TDRD7: variants seen among roughly 807,000 people sequenced by gnomAD.
The protein encoded by TDRD7 is tudor domain-containing protein 7.
Under a neutral mutation model 109.8 loss-of-function variants are expected in TDRD7, and 47 were observed. The ratio of observed to expected loss-of-function variants is 0.43; its 90% CI spans 0.34 to 0.55. The LOEUF (loss-of-function observed/expected upper bound fraction) is 0.55. Among genes scored for constraint, TDRD7 ranks in the 20% least tolerant of loss-of-function variants. The probability of loss-of-function intolerance (pLI) is 0.03; values close to 1 mark genes in which losing one functional copy is unlikely to be tolerated. For missense variants in TDRD7, 1,164 were observed against 1,319.2 expected, an observed-to-expected ratio of 0.88 and a Z score of 1.82; for synonymous variants, 424 against 457.3, an observed-to-expected ratio of 0.93 and a Z score of 0.93.
chr9:97,441,553 A>C (rs985975427), intron 5 of TDRD7, 105 bp from the exon 6 acceptor site: 1 of 1,038,818 alleles, frequency 9.6e-7, no homozygotes, highest in Non-Finnish European at 1.4e-6. Context: ...TTTGGCTACC[A>C]CAAGCCCACA....
intron 8 of TDRD7, among the ~76,000 whole-genome samples, chr9:97,468,088 A>C (rs1828847931): frequency 6.6e-6 from 1 of 152,266 alleles, no homozygotes; most frequent in African/African-American, 2.4e-5. Context: ...AATAGCTATC[A>C]GATGTCACAT....
intron 1 of TDRD7, among the ~76,000 whole-genome samples, chr9:97,413,589 G>A (rs1315101190): frequency 6.6e-6 from 1 of 152,208 alleles, no homozygotes; most frequent in Non-Finnish European, 1.5e-5. Context: ...ATATAAATGG[G>A]CACATGGTGG....
chr9:97,472,203 T>A, intron 9 of TDRD7, 90 bp from the exon 10 acceptor site: 1 of 1,211,606 alleles, frequency 8.3e-7, no homozygotes, highest in Non-Finnish European at 1.2e-6. Context: ...CTTATAATTT[T>A]AATAATGGTC....
intron 4 of TDRD7, among the ~76,000 whole-genome samples, chr9:97,435,236 T>C (rs1419673802): frequency 2.9e-5 from 1 of 34,438 alleles, no homozygotes. Context: ...CTATGCAAGA[T>C]TTTACTATTA....
chr9:97,440,208 T>C (rs756206502), intron 5 of TDRD7, among the ~76,000 whole-genome samples: 42 of 152,220 alleles, frequency 2.8e-4, no homozygotes, highest in South Asian at 1.0e-3. Context: ...ATAAACTACT[T>C]CTACAGAAAC....
At chr9:97,455,694 C>T (rs557291116) in intron 6 of TDRD7, among the ~76,000 whole-genome samples, 18 of 152,182 alleles carry the variant, frequency 1.2e-4, no homozygotes, top group Admixed American at 4.6e-4. Context: ...AAGAGTTATT[C>T]ATGACAAATC....
chr9:97,494,970 C>A (rs1829373371), intron 16 of TDRD7, among the ~76,000 whole-genome samples: 1 of 152,124 alleles, frequency 6.6e-6, no homozygotes, highest in South Asian at 2.1e-4. Context: ...CTTGGCCTCC[C>A]AAAGTGCTGG....
intron 12 of TDRD7, among the ~76,000 whole-genome samples, chr9:97,478,127 G>C (rs1223618901): frequency 1.3e-5 from 2 of 152,026 alleles, no homozygotes; most frequent in Non-Finnish European, 2.9e-5. Context: ...TGGTTGTGGT[G>C]GTGGGCACCT....
chr9:97,491,725 C>T (rs1286172662), intron 16 of TDRD7, among the ~76,000 whole-genome samples: 1 of 152,136 alleles, frequency 6.6e-6, no homozygotes, highest in Non-Finnish European at 1.5e-5. Context: ...AGGTTAAGCT[C>T]TATAAAACCC....
intron 8 of TDRD7, among the ~76,000 whole-genome samples, chr9:97,466,768 T>C (rs1235521841): frequency 1.3e-5 from 2 of 152,246 alleles, no homozygotes; most frequent in Admixed American, 1.3e-4. Flanking sequence ...AGAAATCAGA[T>C]CAGTGGTTGC....
chr9:97,492,090 G>A (rs1829317704), intron 16 of TDRD7, among the ~76,000 whole-genome samples: 1 of 152,162 alleles, frequency 6.6e-6, no homozygotes, highest in Non-Finnish European at 1.5e-5. Context: ...GTATCTTCCT[G>A]TCTGTCTCTC....
At chr9:97,494,682 G>GTA (rs1261612746) in intron 16 of TDRD7, among the ~76,000 whole-genome samples, 22 of 144,606 alleles carry the variant, frequency 1.5e-4, no homozygotes, top group South Asian at 4.4e-4. Context: ...CTTGAAATAT[G>GTA]TATATATATA....
intron 16 of TDRD7, among the ~76,000 whole-genome samples, chr9:97,491,558 G>A (rs1829309700): frequency 6.6e-6 from 1 of 152,200 alleles, no homozygotes; most frequent in Non-Finnish European, 1.5e-5. Context: ...GGGTGTGAGG[G>A]ATGTTATGTA....
chr9:97,487,678 G>T lies in TDRD7; in HGVS notation c.3076+346G>T, dbSNP rs16920969. On this transcript the variant is annotated intron_variant, in intron 16 of 16. Coordinates refer to ENST00000355295, the MANE Select transcript of TDRD7 (RefSeq NM_014290.3). Reference sequence around the variant, plus strand: ...TGACTTTCTGGGTGGTTTTATGGTTGTCCTACTTGTTTTTAATGGGTGCAA... The same window carrying T: ...TGACTTTCTGGGTGGTTTTATGGTTTTCCTACTTGTTTTTAATGGGTGCAA... 8.1e-3 allele frequency among the ~76,000 whole-genome samples: 1,221 copies of T among 151,598 alleles called. 40 individuals carry two copies. In the East Asian group the frequency reaches 0.11, roughly 13 times the overall value.
At chr9:97,413,073 C>T (rs1312485356) in intron 1 of TDRD7, among the ~76,000 whole-genome samples, 1 of 152,174 alleles carries the variant, frequency 6.6e-6, no homozygotes, top group Non-Finnish European at 1.5e-5. Flanking sequence ...GATCACCGCC[C>T]ATCCAAACCA....
intron 7 of TDRD7, among the ~76,000 whole-genome samples, chr9:97,464,221 T>A (rs1564207638): frequency 6.6e-6 from 1 of 152,238 alleles, no homozygotes; most frequent in Non-Finnish European, 1.5e-5. Context: ...CTCAGCCTTG[T>A]CCTTCCTGAG....
intron 6 of TDRD7, among the ~76,000 whole-genome samples, chr9:97,445,368 A>T (rs1396574869): frequency 6.6e-6 from 1 of 152,252 alleles, no homozygotes; most frequent in Non-Finnish European, 1.5e-5. Flanking sequence ...AACAAGACAG[A>T]CATGGTCCTT....
At chr9:97,413,150 C>A (rs1827750131) in intron 1 of TDRD7, among the ~76,000 whole-genome samples, 1 of 152,142 alleles carries the variant, frequency 6.6e-6, no homozygotes, top group African/African-American at 2.4e-5. Context: ...GCTCTCCAAT[C>A]GTGCCGGTGA....
chr9:97,417,514 G>T (rs1270649731), intron 1 of TDRD7, among the ~76,000 whole-genome samples: 1 of 152,178 alleles, frequency 6.6e-6, no homozygotes, highest in East Asian at 1.9e-4. Context: ...AAGTGGTGAA[G>T]AGTGAAGGAA....
Sources: gnomAD v4.1 joint callset for allele counts (sites outside exome capture counted in the v4.1 genomes callset) on GRCh38, gnomAD v4.1.1 for gene constraint, MANE v1.5 for transcripts, NCBI Gene and HGNC (gene_info 2026-07-23, HGNC 2026-07-21) for gene names.